GLUD1: variants seen among roughly 807,000 people sequenced by gnomAD.
The protein encoded by GLUD1 is glutamate dehydrogenase 1, mitochondrial.
GLUD1 carries 22 observed loss-of-function variants against 56.0 expected under a neutral mutation model. The ratio of observed to expected loss-of-function variants is 0.39; its 90% CI spans 0.28 to 0.56. The LOEUF (loss-of-function observed/expected upper bound fraction) is 0.56. GLUD1 is among the 20% of genes least tolerant of loss of function. The pLI is 0.58. For synonymous variants in GLUD1, 223 were observed against 269.9 expected (o/e 0.83, Z 1.70); for missense variants, 451 against 732.0 (o/e 0.62, Z 4.43).
At chr10:87,088,024 T>C (rs1469219149) in intron 1 of GLUD1, among the ~76,000 whole-genome samples, 1 of 151,982 alleles carries the variant, frequency 6.6e-6, no homozygotes, top group Non-Finnish European at 1.5e-5. Flanking sequence ...GAGGTTGTAG[T>C]GAGCCAAGAT....
chr10:87,089,198 G>T (rs1275887342), intron 1 of GLUD1, among the ~76,000 whole-genome samples: 1 of 152,176 alleles, frequency 6.6e-6, no homozygotes, highest in Non-Finnish European at 1.5e-5. Flanking sequence ...GCATGAAGTG[G>T]TTCTCAATCA....
At chr10:87,060,283 G>A (rs767190881) in intron 8 of GLUD1, 42 bp from the exon 9 acceptor site, 11 of 1,291,384 alleles carry the variant, frequency 8.5e-6, no homozygotes, top group Middle Eastern at 1.8e-4. Flanking sequence ...GAACACCACC[G>A]TCAAATCCCC....
At chr10:87,093,421 T>A (rs962569571) in intron 1 of GLUD1, among the ~76,000 whole-genome samples, 3 of 152,226 alleles carry the variant, frequency 2.0e-5, no homozygotes, top group African/African-American at 7.2e-5. Flanking sequence ...AAGCTCTTAT[T>A]TGCTCGAAGA....
Position 87,051,759 on chromosome 10 carries a change from A to G in GLUD1, c.1669T>C (p.Phe557Leu), listed in dbSNP as rs1845637340. Residue 557 changes from phenylalanine (F) to leucine (L), a missense_variant, in exon 13 of 13, where the codon TTC becomes CTC. Coordinates refer to ENST00000277865, the MANE Select transcript of GLUD1 (RefSeq NM_005271.5). ...AGTCAGCCATGATCCATCTATGTGA[A>G]GGTCACACCAGCTTCATTGTACACT... is the stretch of plus-strand genomic sequence containing the variant. ...FKVYNEAGVT[F>L]T is the part of the protein sequence containing the mutation. 6.2e-7 allele frequency: 1 copy of G among 1,612,514 alleles called. No individual in the cohort carries two copies. Among genetic ancestry groups the G allele is most frequent in the Non-Finnish European group, 8.5e-7 (1 of 1,179,960 alleles).
chr10:87,056,556 A>G (rs1845781507), intron 11 of GLUD1, among the ~76,000 whole-genome samples: 1 of 152,102 alleles, frequency 6.6e-6, no homozygotes, highest in South Asian at 2.1e-4. Context: ...TGGCCTCCCA[A>G]AGTGCTGGGA....
intron 11 of GLUD1, among the ~76,000 whole-genome samples, chr10:87,056,991 A>AGGG (rs1479508366): frequency 7.2e-6 from 1 of 138,130 alleles, no homozygotes; most frequent in African/African-American, 2.6e-5. Context: ...TGGCGGGGGG[A>AGGG]GGGGGGTGGC....
chr10:87,063,065 T>TTTGTTTG (rs1554906591), intron 5 of GLUD1, among the ~76,000 whole-genome samples: 1 of 145,596 alleles, frequency 6.9e-6, no homozygotes, highest in Non-Finnish European at 1.5e-5. Flanking sequence ...CTGTTTTTTT[T>TTTGTTTG]TTTGTTTGTT....
At chr10:87,085,364 A>AAC (rs1841357768) in intron 1 of GLUD1, among the ~76,000 whole-genome samples, 1 of 151,628 alleles carries the variant, frequency 6.6e-6, no homozygotes, top group South Asian at 2.1e-4. Context: ...AAAAAAAAAA[A>AAC]ACCAGAAAAA....
intron 11 of GLUD1, among the ~76,000 whole-genome samples, chr10:87,057,328 A>G (rs1845808501): frequency 6.6e-6 from 1 of 152,094 alleles, no homozygotes; most frequent in Admixed American, 6.5e-5. Flanking sequence ...GGGACTCACT[A>G]TGTTCCCCAG....
chr10:87,094,005 A>T lies in GLUD1; in HGVS notation c.445+320T>A. On this transcript the variant is annotated intron_variant, in intron 1 of 12. Coordinates refer to ENST00000277865, the MANE Select transcript of GLUD1 (RefSeq NM_005271.5). This position sits in a 1 kb window ranked among gnomAD's most constrained non-coding sequence, Gnocchi z 6.6. ...CCCTTTCCTAGAAGTGCATTTCGGC[A>T]GGACCCGCCGTGTGTGACACAGACA... 6.8e-7 allele frequency: 1 copy of T among 1,461,570 alleles called. No individual in the cohort carries two copies. The highest frequency in any genetic ancestry group is 9.1e-7 in the Non-Finnish European group (1 of 1,099,340). 90.5% of individuals were successfully genotyped at this position (1,461,570 alleles called of 1,614,324 possible).
At chr10:87,086,549 C>T (rs758122818) in intron 1 of GLUD1, among the ~76,000 whole-genome samples, 3 of 152,004 alleles carry the variant, frequency 2.0e-5, no homozygotes, top group Non-Finnish European at 4.4e-5. Flanking sequence ...ATTGGCCTGG[C>T]GCGGTGGCTC....
chr10:87,084,374 T>C (rs1841334108), intron 1 of GLUD1, among the ~76,000 whole-genome samples: 1 of 152,242 alleles, frequency 6.6e-6, no homozygotes, highest in Non-Finnish European at 1.5e-5. Context: ...TTCCTTAGTA[T>C]GCTCAAGTCT....
At chr10:87,064,808 G>T (rs778474793) in intron 5 of GLUD1, among the ~76,000 whole-genome samples, 3 of 152,168 alleles carry the variant, frequency 2.0e-5, no homozygotes, top group Non-Finnish European at 2.9e-5. Flanking sequence ...TAAACAGTGA[G>T]AATGCAAATG....
chr10:87,079,309 G>C lies in GLUD1; in HGVS notation c.446-2653C>G, dbSNP rs541638667. Among the ~76,000 whole-genome samples, 73 of 151,676 alleles carry C rather than the reference G, an allele frequency of 4.8e-4. 4 individuals are homozygous for C. In the South Asian group the frequency reaches 0.015, roughly 31 times the overall value. On this transcript the variant is annotated intron_variant, in intron 1 of 12. Transcript: ENST00000277865. ...AAAATTGAGTTGGGCGTGGGGGCAT[G>C]TGCGTGTAGTCGAAGATGCTCAGGA...
chr10:87,063,412 G>A (rs896150066), intron 5 of GLUD1, among the ~76,000 whole-genome samples: 2 of 152,138 alleles, frequency 1.3e-5, no homozygotes, highest in African/African-American at 4.8e-5. Context: ...CAAGAGTGTA[G>A]GGATTGAACA....
Position 87,094,686 on chromosome 10 carries a change from C to T in GLUD1, c.84G>A (p.Ala28=), listed in dbSNP as rs1441581720. 6.6e-7 allele frequency: 1 copy of T among 1,505,642 alleles called. No homozygotes were observed. The highest frequency in any genetic ancestry group is 1.2e-5 in the South Asian group (1 of 80,418). 93.3% of individuals were successfully genotyped at this position (1,505,642 alleles called of 1,614,324 possible). Residue 28 remains alanine (A), a synonymous_variant, in exon 1 of 13, where the codon GCG becomes GCA. Coordinates refer to ENST00000277865, the MANE Select transcript of GLUD1 (RefSeq NM_005271.5). This position sits in a 1 kb window ranked among gnomAD's most constrained non-coding sequence, Gnocchi z 6.6. ...ALGSASADSA[A]LLGWARGQPA... ...GCTGTCCCCGGGCCCAGCCCAGCAA[C>T]GCGGCCGAGTCGGCGGACGCCGAGC... is the stretch of plus-strand genomic sequence containing the variant.
intron 12 of GLUD1, among the ~76,000 whole-genome samples, chr10:87,052,618 T>C (rs1322194216): frequency 3.2e-5 from 4 of 125,996 alleles, no homozygotes; most frequent in African/African-American, 6.3e-5. Context: ...TACAGTGAGC[T>C]GAAAGTGCGC....
chr10:87,093,187 T>G (rs904406957), intron 1 of GLUD1, among the ~76,000 whole-genome samples: 1 of 152,218 alleles, frequency 6.6e-6, no homozygotes. Context: ...AAAATCCTCA[T>G]AAGTCAGCGG....
At chr10:87,061,707 C>T (rs1176425723) in intron 6 of GLUD1, among the ~76,000 whole-genome samples, 1 of 151,910 alleles carries the variant, frequency 6.6e-6, no homozygotes, top group African/African-American at 2.4e-5. Flanking sequence ...GCCTCTGCCT[C>T]CCGGGTTCAA....
Sources: gnomAD v4.1 joint callset for allele counts (sites outside exome capture counted in the v4.1 genomes callset) on GRCh38, gnomAD v4.1.1 for gene constraint, Gnocchi (gnomAD v3.1) non-coding constraint, MANE v1.5 for transcripts, NCBI Gene and HGNC (gene_info 2026-07-23, HGNC 2026-07-21) for gene names.